The following EDC4 variants were observed in gnomAD, a reference collection of about 807,000 sequenced individuals.
EDC4 encodes enhancer of mRNA decapping 4, also known as enhancer of mRNA-decapping protein 4.
EDC4 carries 64 observed loss-of-function variants against 155.8 expected under a neutral mutation model. The ratio of observed to expected loss-of-function variants is 0.41; its 90% CI spans 0.34 to 0.51. The LOEUF (loss-of-function observed/expected upper bound fraction) is 0.51, where lower values mean the gene tolerates loss of function less well. Ranked by LOEUF, EDC4 falls within the 20% of genes least tolerant of loss-of-function variation. EDC4 has a pLI of 0.19. For missense variants in EDC4, 1,303 were observed against 1,812.5 expected, an observed-to-expected ratio of 0.72 and a Z score of 5.10; for synonymous variants, 684 against 716.8, an observed-to-expected ratio of 0.95 and a Z score of 0.73.
chr16:67,880,351 T>C lies in EDC4; in HGVS notation c.2097+135T>C, dbSNP rs1429232327. The C allele has an allele frequency of 2.8e-6, 4 of 1,410,606 alleles. No individual in the cohort carries two copies. In the East Asian group the frequency reaches 9.3e-5, roughly 33 times the overall value. The allele number at this position is 1,410,606 out of a possible 1,614,324, so 87.4% of individuals were successfully genotyped here. A position where few individuals can be genotyped will look rare whatever the true frequency, so the allele number is the denominator to read the frequency against. On this transcript the variant is annotated intron_variant, in intron 17 of 28. Transcript: ENST00000358933. The surrounding 1 kb of genome is among the most constrained non-coding windows in gnomAD (Gnocchi z 5.2). ...ATGGTCCGTGTTTCCCTGAGGTCAT[T>C]TCACCCTCCTGTGTTTCCTGGTGGG...
Position 67,879,664 on chromosome 16 carries a change from C to A in EDC4, c.1711C>A (p.Arg571=), listed in dbSNP as rs531827897. The change falls in exon 15 of 29, where the codon CGA becomes AGA. Residue 571 remains arginine (R), a synonymous_variant. Coordinates refer to ENST00000358933, the MANE Select transcript of EDC4 (RefSeq NM_014329.5). This position sits in a 1 kb window ranked among gnomAD's most constrained non-coding sequence, Gnocchi z 6.0. ...AAHGSQPDLR[R]IVELPAPADF... The stretch of plus-strand genomic sequence containing the variant: ...TCACGGCTCCCAGCCTGACCTCCGA[C>A]GAATCGTGGAGCTGCCTGCACCTGC... 9.9e-6 allele frequency: 16 copies of A among 1,614,040 alleles called. No individual in the cohort carries two copies. Among genetic ancestry groups the A allele is most frequent in the Non-Finnish European group, 1.4e-5 (16 of 1,180,032 alleles).
chr16:67,873,980 T>G (rs557373297), intron 1 of EDC4, among the ~76,000 whole-genome samples: 1 of 152,320 alleles, frequency 6.6e-6, no homozygotes, highest in Admixed American at 6.5e-5. Context: ...TCAGAACTAG[T>G]CTTGCCCCCA....
Position 67,883,388 on chromosome 16 carries a change from T to C in EDC4, c.3850-180T>C. 7.8e-7 allele frequency: 1 copy of C among 1,278,770 alleles called. No individual in the cohort carries two copies. The highest frequency in any genetic ancestry group is 1.1e-6 in the Non-Finnish European group (1 of 928,928). The allele number at this position is 1,278,770 out of a possible 1,614,324, so 79.2% of individuals were successfully genotyped here. On this transcript the variant is annotated intron_variant, in intron 27 of 28. Coordinates refer to ENST00000358933, the MANE Select transcript of EDC4 (RefSeq NM_014329.5). This position sits in a 1 kb window ranked among gnomAD's most constrained non-coding sequence, Gnocchi z 5.3. ...CCACCTTGCTTTACAACTACCCTTC[T>C]CAGGAACCCATTTCCCAATCCCCTA...
chr16:67,873,333 G>T lies in EDC4; in HGVS notation c.72G>T (p.Arg24=). 1 of 1,458,728 alleles carries T rather than the reference G, an allele frequency of 6.9e-7. No individual in the cohort carries two copies. The highest frequency in any genetic ancestry group is 9.0e-7 in the Non-Finnish European group (1 of 1,109,926). 90.4% of individuals were successfully genotyped at this position (1,458,728 alleles called of 1,614,324 possible). A position where few individuals can be genotyped will look rare whatever the true frequency, so the allele number is the denominator to read the frequency against. The change falls in exon 1 of 29, where the codon CGG becomes CGT. Residue 24 remains arginine, a synonymous_variant. Coordinates refer to ENST00000358933, the MANE Select transcript of EDC4 (RefSeq NM_014329.5). The stretch of plus-strand genomic sequence containing the variant: ...TGCGGGACATCCTCAAGCTGGACCG[G>T]CCCGCGGGCGGTGAGCGGGGGTTGC... ...QHLRDILKLD[R]PAGGPSAESP...
Position 67,879,573 on chromosome 16 carries a change from A to C in EDC4, c.1634-14A>C. 6.2e-7 allele frequency: 1 copy of C among 1,613,692 alleles called. No individual in the cohort carries two copies. Among genetic ancestry groups the C allele is most frequent in the Non-Finnish European group, 8.5e-7 (1 of 1,179,690 alleles). On this transcript the variant is annotated splice_polypyrimidine_tract_variant and intron_variant, in intron 14 of 28. Transcript: ENST00000358933. The surrounding 1 kb of genome is among the most constrained non-coding windows in gnomAD (Gnocchi z 6.0). ...GGGTCTGAGATCTAACTCAAGTGGC[A>C]ACTTGCCCTGCAGCATTTGGAGAGT...
In EDC4 at chr16:67,881,809, G is replaced by A. The variant is rs745548951; in HGVS notation, c.2968G>A (p.Val990Ile). The change falls in exon 22 of 29, where the codon GTA (valine) becomes ATA (isoleucine). Residue 990 changes from valine to isoleucine, a missense_variant. Around this residue, in one of 5 missense-constraint regions of EDC4, gnomAD observed 527 missense variants for 757.0 expected, o/e 0.70. Transcript: ENST00000358933. This position sits in a 1 kb window ranked among gnomAD's most constrained non-coding sequence, Gnocchi z 5.4. ...EGLQSTVTGH[V>I]ERALETRHEQ... ...CCTGCAGAGCACAGTCACAGGCCAC[G>A]TAGAACGTGCCCTTGAGACTCGGCA... The A allele has an allele frequency of 1.2e-5, 19 of 1,613,892 alleles. No homozygotes were observed. The East Asian group carries it at 1.3e-4, about 11-fold the overall frequency.
chr16:67,879,898 A>T lies in EDC4; in HGVS notation c.1870A>T (p.Ser624Cys), dbSNP rs913828313. Residue 624 changes from serine to cysteine, a missense_variant, in exon 16 of 29, where the codon AGC (serine) becomes TGC (cysteine). Physicochemically the swap from Ser to Cys is moderately radical, Grantham distance 112. Around this residue, in one of 5 missense-constraint regions of EDC4, gnomAD observed 391 missense variants for 445.4 expected, o/e 0.88. Coordinates refer to ENST00000358933, the MANE Select transcript of EDC4 (RefSeq NM_014329.5). The surrounding 1 kb of genome is among the most constrained non-coding windows in gnomAD (Gnocchi z 6.0). ...CAGCAGCGGTAGCAGCAGCAGCAGC[A>T]GCAGTAGCAGCAGCTCCCTTACAGC... ...SSSSGSSSSSSSSSSSLTAVS... is the reference protein window; with the variant it reads ...SSSSGSSSSSCSSSSSLTAVS... The T allele has an allele frequency of 6.2e-7, 1 of 1,612,584 alleles. No homozygotes were observed. The highest frequency in any genetic ancestry group is 8.5e-7 in the Non-Finnish European group (1 of 1,179,256).
At position 67,877,586 on chromosome 16, in the gene EDC4, T is replaced by G; in HGVS notation, c.719T>G (p.Phe240Cys). 6.2e-7 allele frequency: 1 copy of G among 1,614,178 alleles called. No homozygotes were observed. The highest frequency in any genetic ancestry group is 8.5e-7 in the Non-Finnish European group (1 of 1,180,034). Residue 240 changes from phenylalanine to cysteine, a missense_variant, in exon 6 of 29, where the codon TTC (phenylalanine) becomes TGC (cysteine). By Grantham distance (205) the Phe-to-Cys change is radical (BLOSUM62 -2). Around this residue, in one of 5 missense-constraint regions of EDC4, gnomAD observed 235 missense variants for 367.7 expected, o/e 0.64. Coordinates refer to ENST00000358933, the MANE Select transcript of EDC4 (RefSeq NM_014329.5). The surrounding 1 kb of genome is among the most constrained non-coding windows in gnomAD (Gnocchi z 4.9). ...NHFRRIIWCP[F>C]IPEESEDCCE... ...TTTCGCAGGATCATCTGGTGCCCCT[T>G]CATCCCTGAGGAGAGCGAAGACTGC...
chr16:67,873,394 C>A, intron 1 of EDC4, 51 bp downstream of exon 1: 1 of 1,359,092 alleles, frequency 7.4e-7, no homozygotes, highest in Non-Finnish European at 9.6e-7. Context: ...AAAAGGGCGG[C>A]GCGCGTCTGA....
rs760038646 is a variant in EDC4, at chr16:67,883,492, C to T, written c.3850-76C>T. 8.4e-5 allele frequency: 133 copies of T among 1,577,246 alleles called. No individual in the cohort carries two copies. The highest frequency in any genetic ancestry group is 1.1e-4 in the Non-Finnish European group (125 of 1,163,666). ...AGCCCACCCTGTGGTCATCCTCCCCCAGGCCACACAGTTCAGACAAGCAGA... is the reference window on the plus strand; with the variant it reads ...AGCCCACCCTGTGGTCATCCTCCCCTAGGCCACACAGTTCAGACAAGCAGA... On this transcript the variant is annotated intron_variant, in intron 27 of 28. Coordinates refer to ENST00000358933, the MANE Select transcript of EDC4 (RefSeq NM_014329.5). This position sits in a 1 kb window ranked among gnomAD's most constrained non-coding sequence, Gnocchi z 5.3.
At position 67,877,681 on chromosome 16, in the gene EDC4, G is replaced by A; in HGVS notation, c.789+25G>A. 6.8e-6 allele frequency: 11 copies of A among 1,614,080 alleles called. No homozygotes were observed. The highest frequency in any genetic ancestry group is 9.3e-6 in the Non-Finnish European group (11 of 1,180,010). On this transcript the variant is annotated intron_variant, in intron 6 of 28. Coordinates refer to ENST00000358933, the MANE Select transcript of EDC4 (RefSeq NM_014329.5). The surrounding 1 kb of genome is among the most constrained non-coding windows in gnomAD (Gnocchi z 4.9). The stretch of plus-strand genomic sequence containing the variant: ...GGTGAGGGGGCTGACATGGCGAAGA[G>A]GCGCCAGAGAAGCCATAGTGTGGGG...
Position 67,882,701 on chromosome 16 carries a change from C to A in EDC4, c.3465C>A (p.His1155Gln), listed in dbSNP as rs2058074286. 6.2e-7 allele frequency: 1 copy of A among 1,614,120 alleles called. No individual in the cohort carries two copies. Among genetic ancestry groups the A allele is most frequent in the African/African-American group, 1.3e-5 (1 of 74,926 alleles). The change falls in exon 26 of 29, where the codon CAC (histidine) becomes CAA (glutamine). Residue 1155 changes from histidine (H) to glutamine (Q), a missense_variant. Transcript: ENST00000358933. This position sits in a 1 kb window ranked among gnomAD's most constrained non-coding sequence, Gnocchi z 7.2. Reference protein sequence around the residue: ...TQEYLQQLESHMKSRKAREQE... With the variant: ...TQEYLQQLESQMKSRKAREQE... The stretch of plus-strand genomic sequence containing the variant: ...CAGACTTGCAGCAGCTAGAAAGCCA[C>A]ATGAAGAGCCGGAAGGCACGGGAAC...
chr16:67,884,230 C>A lies in EDC4; in HGVS notation c.*82C>A. Reference sequence around the variant, plus strand: ...TAGGCTGGGGCAGGGTCACGGCTGGCCTTTACCTGCTCAGGCCCCCATCTC... The same window carrying A: ...TAGGCTGGGGCAGGGTCACGGCTGGACTTTACCTGCTCAGGCCCCCATCTC... On this transcript the variant is annotated 3_prime_UTR_variant, in exon 29 of 29. Transcript: ENST00000358933. This position sits in a 1 kb window ranked among gnomAD's most constrained non-coding sequence, Gnocchi z 4.1. 1 of 1,317,592 alleles carries A rather than the reference C, an allele frequency of 7.6e-7. No homozygotes were observed. Among genetic ancestry groups the A allele is most frequent in the Non-Finnish European group, 1.0e-6 (1 of 976,486 alleles). 81.6% of individuals were successfully genotyped at this position (1,317,592 alleles called of 1,614,324 possible).
Position 67,882,228 on chromosome 16 carries a change from G to A in EDC4, c.3177G>A (p.Leu1059=). The A allele has an allele frequency of 6.2e-7, 1 of 1,613,798 alleles. No homozygotes were observed. Among genetic ancestry groups the A allele is most frequent in the Non-Finnish European group, 8.5e-7 (1 of 1,179,842 alleles). Residue 1059 remains leucine (L), a synonymous_variant, in exon 24 of 29, where the codon CTG becomes CTA. Coordinates refer to ENST00000358933, the MANE Select transcript of EDC4 (RefSeq NM_014329.5). The surrounding 1 kb of genome is among the most constrained non-coding windows in gnomAD (Gnocchi z 7.2). ...KTVPPCVSRS[L]EPMAGQLSNS... is the part of the protein sequence containing the mutation. Reference sequence around the variant, plus strand: ...CTCTCCCAGGTGTCTCAAGGAGTCTGGAGCCTATGGCAGGCCAACTGAGCA... The same window carrying A: ...CTCTCCCAGGTGTCTCAAGGAGTCTAGAGCCTATGGCAGGCCAACTGAGCA...
Position 67,880,322 on chromosome 16 carries a change from C to T in EDC4, c.2097+106C>T, listed in dbSNP as rs151000176. The T allele has an allele frequency of 7.1e-5, 104 of 1,469,494 alleles. No individual in the cohort carries two copies. In the African/African-American group the frequency reaches 8.4e-4, roughly 12 times the overall value. The allele number at this position is 1,469,494 out of a possible 1,614,324, so 91.0% of individuals were successfully genotyped here. ...CCCCTGCTGCTGATCCTGCTCTACC[C>T]GACATGGTCCGTGTTTCCCTGAGGT... On this transcript the variant is annotated intron_variant, in intron 17 of 28. Transcript: ENST00000358933. The surrounding 1 kb of genome is among the most constrained non-coding windows in gnomAD (Gnocchi z 5.2).
In EDC4 at chr16:67,883,604, G is replaced by A. The variant is rs778232882; in HGVS notation, c.3886G>A (p.Val1296Met). The A allele has an allele frequency of 6.2e-7, 1 of 1,614,102 alleles. No individual in the cohort carries two copies. Among genetic ancestry groups the A allele is most frequent in the South Asian group, 1.1e-5 (1 of 91,082 alleles). The change falls in exon 28 of 29, where the codon GTG becomes ATG. Residue 1296 changes from valine (V) to methionine (M), a missense_variant. Val to Met is a conservative substitution (Grantham distance 21, BLOSUM62 1). This residue lies in a region of EDC4 where 527 missense variants were observed against 757.0 expected (regional missense o/e 0.70). Coordinates refer to ENST00000358933, the MANE Select transcript of EDC4 (RefSeq NM_014329.5). The surrounding 1 kb of genome is among the most constrained non-coding windows in gnomAD (Gnocchi z 5.3). ...TGCTGACCTGAACCTGGTGCTGTAT[G>A]TGTGTGAAACTGTGGACCCAGCCCA... ...TAADLNLVLY[V>M]CETVDPAQVF... is the part of the protein sequence containing the mutation.
intron 1 of EDC4, among the ~76,000 whole-genome samples, chr16:67,874,437 C>T (rs1271300283): frequency 1.3e-5 from 2 of 152,188 alleles, no homozygotes; most frequent in Non-Finnish European, 2.9e-5. Flanking sequence ...TGCCTGAGAC[C>T]ACTCGGCCCT....
chr16:67,883,161 A>G lies in EDC4; in HGVS notation c.3833A>G (p.Asn1278Ser), dbSNP rs751245711. Residue 1278 changes from asparagine (N) to serine (S), a missense_variant, in exon 27 of 29, where the codon AAT becomes AGT. Physicochemically the swap from Asn to Ser is conservative, Grantham distance 46 (BLOSUM62 1). This residue lies in a region of EDC4 where 527 missense variants were observed against 757.0 expected (regional missense o/e 0.70). Coordinates refer to ENST00000358933, the MANE Select transcript of EDC4 (RefSeq NM_014329.5). This position sits in a 1 kb window ranked among gnomAD's most constrained non-coding sequence, Gnocchi z 5.3. ...CAGCTGCTGCAGCAGGGCCACCTCA[A>G]TCAGGCCTTCCAGCAGGTACGATAG... ...ILQLLQQGHLNQAFQQALTAA... is the reference protein window; with the variant it reads ...ILQLLQQGHLSQAFQQALTAA... 6 of 1,587,102 alleles carry G rather than the reference A, an allele frequency of 3.8e-6. No individual in the cohort carries two copies. The highest frequency in any genetic ancestry group is 2.3e-5 in the East Asian group (1 of 43,752).
Position 67,880,558 on chromosome 16 carries a change from T to A in EDC4, c.2099T>A (p.Val700Glu). 1.2e-6 allele frequency: 2 copies of A among 1,612,544 alleles called. No homozygotes were observed. The highest frequency in any genetic ancestry group is 1.7e-6 in the Non-Finnish European group (2 of 1,178,908). ...DKLTPKGPGQ[V>E]PTATSALSLE... is the part of the protein sequence containing the mutation. ...GCCCCCATCTTTGGCCCACCTCAGG[T>A]GCCTACTGCCACCTCTGCACTGTCC... is the stretch of plus-strand genomic sequence containing the variant. The change falls in exon 18 of 29, where the codon GTG becomes GAG. Residue 700 changes from valine (V) to glutamate (E), a missense_variant and splice_region_variant. Transcript: ENST00000358933. The surrounding 1 kb of genome is among the most constrained non-coding windows in gnomAD (Gnocchi z 5.2).
Sources: gnomAD v4.1 joint callset for allele counts (sites outside exome capture counted in the v4.1 genomes callset) on GRCh38, gnomAD v4.1.1 for gene constraint, gnomAD v4.1.1 regional missense constraint, Gnocchi (gnomAD v3.1) non-coding constraint, MANE v1.5 for transcripts, NCBI Gene and HGNC (gene_info 2026-07-23, HGNC 2026-07-21) for gene names.